MAPKAP1: variants seen among roughly 807,000 people sequenced by gnomAD.
MAPKAP1 encodes target of rapamycin complex 2 subunit MAPKAP1.
In MAPKAP1, 20 loss-of-function variants were observed where a neutral mutation model predicts 65.7. The ratio of observed to expected loss-of-function variants is 0.30; its 90% CI spans 0.21 to 0.44. The LOEUF is 0.44. Ranked by LOEUF, MAPKAP1 falls within the 20% of genes least tolerant of loss-of-function variation. The pLI is 1.00. For synonymous variants in MAPKAP1, 222 were observed against 244.3 expected, an observed-to-expected ratio of 0.91 and a Z score of 0.85; for missense variants, 423 against 648.0, an observed-to-expected ratio of 0.65 and a Z score of 3.77.
At chr9:125,615,412 G>T (rs1489924193) in intron 4 of MAPKAP1, among the ~76,000 whole-genome samples, 1 of 152,008 alleles carries the variant, frequency 6.6e-6, no homozygotes, top group Non-Finnish European at 1.5e-5. Context: ...TATGGAAGGG[G>T]CTGGGCATGG....
chr9:125,596,278 G>T, intron 4 of MAPKAP1: 1 of 761,430 alleles, frequency 1.3e-6, no homozygotes, highest in Non-Finnish European at 2.4e-6. Context: ...TTTGGTGGTG[G>T]TCGTGAAGGT....
chr9:125,595,829 G>A lies in MAPKAP1; in HGVS notation c.499-10102C>T, dbSNP rs1288742955. 16 of 1,120,856 alleles carry A rather than the reference G, an allele frequency of 1.4e-5. No homozygotes were observed. Among genetic ancestry groups the A allele is most frequent in the East Asian group, 1.2e-4 (5 of 42,630 alleles). 69.4% of individuals were successfully genotyped at this position (1,120,856 alleles called of 1,614,324 possible). A position where few individuals can be genotyped will look rare whatever the true frequency, so the allele number is the denominator to read the frequency against. On this transcript the variant is annotated intron_variant, in intron 4 of 11. Coordinates refer to ENST00000265960, the MANE Select transcript of MAPKAP1 (RefSeq NM_001006617.3). The surrounding 1 kb of genome is among the most constrained non-coding windows in gnomAD (Gnocchi z 4.0). Reference sequence around the variant, plus strand: ...GAAAGATTCCAACACCAAGCGTTCCGGGGGTTTTGGGTTTGTCACCTATGC... The same window carrying A: ...GAAAGATTCCAACACCAAGCGTTCCAGGGGTTTTGGGTTTGTCACCTATGC...
intron 10 of MAPKAP1, among the ~76,000 whole-genome samples, chr9:125,445,365 G>C (rs1852672291): frequency 6.6e-6 from 1 of 152,022 alleles, no homozygotes; most frequent in African/African-American, 2.4e-5. Context: ...ACTCCCACCT[G>C]CCACACCAGC....
chr9:125,693,666 C>T lies in MAPKAP1; in HGVS notation c.-70+13305G>A, dbSNP rs541535197. Among the ~76,000 whole-genome samples the T allele has an allele frequency of 9.3e-3, 1,241 of 134,066 alleles. 41 individuals carry two copies. The highest frequency in any genetic ancestry group is 0.034 in the African/African-American group (1,102 of 32,828). 88.0% of individuals were successfully genotyped at this position (134,066 alleles called of 152,430 possible). A position where few individuals can be genotyped will look rare whatever the true frequency, so the allele number is the denominator to read the frequency against. ...ACATATACACGTATACATACACACA[C>T]ATATACACGTATATATACACGTATA... On this transcript the variant is annotated intron_variant, in intron 1 of 11. Coordinates refer to ENST00000265960, the MANE Select transcript of MAPKAP1 (RefSeq NM_001006617.3).
chr9:125,700,206 T>C (rs1257097511), intron 1 of MAPKAP1, among the ~76,000 whole-genome samples: 1 of 152,234 alleles, frequency 6.6e-6, no homozygotes, highest in East Asian at 1.9e-4. Flanking sequence ...AGGTTCAGAT[T>C]AAATACTCGC....
At chr9:125,574,270 G>A (rs1831325891) in intron 5 of MAPKAP1, among the ~76,000 whole-genome samples, 1 of 152,212 alleles carries the variant, frequency 6.6e-6, no homozygotes, top group South Asian at 2.1e-4. Context: ...AAGCTTCTGA[G>A]ATTAAGCAGA....
intron 4 of MAPKAP1, among the ~76,000 whole-genome samples, chr9:125,587,074 G>A (rs1831810688): frequency 6.6e-6 from 1 of 152,102 alleles, no homozygotes; most frequent in Non-Finnish European, 1.5e-5. Context: ...GAATGAATTT[G>A]GAGTCCTGCC....
chr9:125,555,735 T>C (rs761832156), intron 6 of MAPKAP1, among the ~76,000 whole-genome samples: 15 of 152,168 alleles, frequency 9.9e-5, no homozygotes, highest in Non-Finnish European at 1.9e-4. Context: ...CTTCAAGAAG[T>C]TAATGGTCTT....
chr9:125,550,281 T>C (rs1589279438), intron 6 of MAPKAP1, among the ~76,000 whole-genome samples: 1 of 152,088 alleles, frequency 6.6e-6, no homozygotes, highest in African/African-American at 2.4e-5. Context: ...GACATGTACA[T>C]AGCAGCAGCT....
rs141050497 is a variant in MAPKAP1 at position 125,705,714 on chromosome 9, T to C, written c.-70+1257A>G. ...TTCTAGAGGAAAAATCATTTCCAGGTGGGGTTGTCCTGAATTGGTTGGGTG... is the reference window on the plus strand; with the variant it reads ...TTCTAGAGGAAAAATCATTTCCAGGCGGGGTTGTCCTGAATTGGTTGGGTG... On this transcript the variant is annotated intron_variant, in intron 1 of 11. Coordinates refer to ENST00000265960, the MANE Select transcript of MAPKAP1 (RefSeq NM_001006617.3). 3.3e-5 allele frequency among the ~76,000 whole-genome samples: 5 copies of C among 152,218 alleles called. No individual in the cohort carries two copies. The East Asian group carries it at 9.6e-4, about 29-fold the overall frequency.
At chr9:125,655,404 T>C (rs566601463) in intron 4 of MAPKAP1, among the ~76,000 whole-genome samples, 7 of 152,298 alleles carry the variant, frequency 4.6e-5, no homozygotes, top group South Asian at 2.1e-4. Context: ...GAGGCAGCCA[T>C]GGTGCTGTTA....
intron 4 of MAPKAP1, among the ~76,000 whole-genome samples, chr9:125,586,860 C>T (rs1831803072): frequency 1.3e-5 from 2 of 152,220 alleles, no homozygotes; most frequent in South Asian, 4.1e-4. Context: ...GTCACAACAA[C>T]AACCCCTCTT....
intron 1 of MAPKAP1, among the ~76,000 whole-genome samples, chr9:125,688,090 G>A (rs1376492262): frequency 6.6e-6 from 1 of 152,120 alleles, no homozygotes; most frequent in African/African-American, 2.4e-5. Context: ...TAACAAAACT[G>A]TGTTAACTTT....
intron 6 of MAPKAP1, among the ~76,000 whole-genome samples, chr9:125,557,103 G>T (rs1199546621): frequency 6.6e-6 from 1 of 152,184 alleles, no homozygotes; most frequent in Non-Finnish European, 1.5e-5. Flanking sequence ...TCAAAAAACA[G>T]AGTATTAAGT....
At chr9:125,596,344 C>T in intron 4 of MAPKAP1, 1 of 767,934 alleles carries the variant, frequency 1.3e-6, no homozygotes, top group South Asian at 1.3e-5. Context: ...GGTTGTGGTG[C>T]CTTTGGTGGC....
intron 1 of MAPKAP1, among the ~76,000 whole-genome samples, chr9:125,680,746 C>T (rs925035403): frequency 6.6e-6 from 1 of 152,182 alleles, no homozygotes; most frequent in East Asian, 1.9e-4. Context: ...CCTGCCCCCT[C>T]CAGAAGTTTA....
intron 4 of MAPKAP1, among the ~76,000 whole-genome samples, chr9:125,603,813 C>G (rs1280281748): frequency 2.6e-5 from 4 of 151,980 alleles, no homozygotes; most frequent in African/African-American, 9.7e-5. Flanking sequence ...AGCCCTTCAC[C>G]AGCTCTTCTG....
intron 7 of MAPKAP1, chr9:125,513,206 G>C (rs1829359739): frequency 6.6e-6 from 1 of 152,230 alleles, no homozygotes; most frequent in African/African-American, 2.4e-5. Flanking sequence ...ACTGCACTCA[G>C]TGGTTTGTGT....
chr9:125,454,371 T>C (rs1853082155), intron 10 of MAPKAP1, among the ~76,000 whole-genome samples: 1 of 152,240 alleles, frequency 6.6e-6, no homozygotes, highest in Non-Finnish European at 1.5e-5. Context: ...AGCTTGAGTT[T>C]GCAAGTACTC....
Sources: gnomAD v4.1 joint callset for allele counts (sites outside exome capture counted in the v4.1 genomes callset) on GRCh38, gnomAD v4.1.1 for gene constraint, Gnocchi (gnomAD v3.1) non-coding constraint, MANE v1.5 for transcripts, NCBI Gene and HGNC (gene_info 2026-07-23, HGNC 2026-07-21) for gene names.